GRM7: variants seen among roughly 807,000 people sequenced by gnomAD.
GRM7 encodes the protein metabotropic glutamate receptor 7.
Under a neutral mutation model 84.5 loss-of-function variants are expected in GRM7, and 35 were observed. That is an observed-to-expected ratio of 0.41 (90% CI 0.32 to 0.55). The LOEUF (loss-of-function observed/expected upper bound fraction) is 0.55. Among genes scored for constraint, GRM7 ranks in the 20% least tolerant of loss-of-function variants. The probability of loss-of-function intolerance (pLI) is 0.19; values close to 1 mark genes in which losing one functional copy is unlikely to be tolerated. For missense variants in GRM7, 1,003 were observed against 1,194.6 expected, an observed-to-expected ratio of 0.84 and a Z score of 2.36; for synonymous variants, 487 against 455.1, an observed-to-expected ratio of 1.07 and a Z score of -0.89.
intron 5 of GRM7, among the ~76,000 whole-genome samples, chr3:7,426,326 T>A (rs1696611120): frequency 6.6e-6 from 1 of 152,028 alleles, no homozygotes; most frequent in African/African-American, 2.4e-5. Flanking sequence ...TCTATGTTGG[T>A]CAGGTTTCTA....
At chr3:6,901,459 G>A (rs915740156) in intron 1 of GRM7, among the ~76,000 whole-genome samples, 7 of 151,792 alleles carry the variant, frequency 4.6e-5, no homozygotes, top group Non-Finnish European at 8.8e-5. Flanking sequence ...TTAGCTGAGC[G>A]TGGTGGTGCG....
intron 1 of GRM7, among the ~76,000 whole-genome samples, chr3:7,077,900 G>C (rs1183587710): frequency 6.6e-6 from 1 of 152,082 alleles, no homozygotes; most frequent in Non-Finnish European, 1.5e-5. Context: ...TGACAATACA[G>C]TGCTATGATT....
chr3:7,549,040 G>A (rs1249563734), intron 7 of GRM7, among the ~76,000 whole-genome samples: 1 of 152,162 alleles, frequency 6.6e-6, no homozygotes, highest in Non-Finnish European at 1.5e-5. Context: ...ATGTATCCTT[G>A]AGGAGAGATT....
chr3:7,636,400 A>G (rs1308074104), intron 8 of GRM7: 2 of 422,852 alleles, frequency 4.7e-6, no homozygotes, highest in African/African-American at 2.0e-5. Context: ...ACACACTGTC[A>G]TTGTTTGAAA....
intron 2 of GRM7, among the ~76,000 whole-genome samples, chr3:7,203,354 A>C (rs1324419738): frequency 2.0e-5 from 3 of 152,212 alleles, no homozygotes; most frequent in African/African-American, 7.2e-5. Context: ...ATAATGACCT[A>C]CAGTTTCATC....
intron 7 of GRM7, among the ~76,000 whole-genome samples, chr3:7,563,146 C>G (rs901024389): frequency 1.3e-5 from 2 of 152,072 alleles, no homozygotes; most frequent in Non-Finnish European, 2.9e-5. Context: ...GTGTGAAAAT[C>G]TAAGATGAAT....
At chr3:7,632,437 T>G (rs1697899676) in intron 8 of GRM7, among the ~76,000 whole-genome samples, 1 of 152,142 alleles carries the variant, frequency 6.6e-6, no homozygotes, top group South Asian at 2.1e-4. Context: ...CCCATCAATA[T>G]GGGGAAATTA....
At chr3:6,979,496 A>G (rs1216939246) in intron 1 of GRM7, among the ~76,000 whole-genome samples, 1 of 152,186 alleles carries the variant, frequency 6.6e-6, no homozygotes, top group African/African-American at 2.4e-5. Flanking sequence ...TAATGCACGT[A>G]GATTTATCTG....
At chr3:7,260,955 A>T (rs1270696518) in intron 2 of GRM7, among the ~76,000 whole-genome samples, 1 of 152,058 alleles carries the variant, frequency 6.6e-6, no homozygotes, top group African/African-American at 2.4e-5. Flanking sequence ...TTCTTGATTT[A>T]TGTCTTAATT....
chr3:7,257,492 A>G (rs191325875), intron 2 of GRM7, among the ~76,000 whole-genome samples: 117 of 152,266 alleles, frequency 7.7e-4, no homozygotes, highest in African/African-American at 2.7e-3. Context: ...CAGAGATGGA[A>G]GCTGTTTTTG....
intron 7 of GRM7, among the ~76,000 whole-genome samples, chr3:7,553,661 G>A (rs1693608531): frequency 6.6e-6 from 1 of 152,110 alleles, no homozygotes; most frequent in East Asian, 1.9e-4. Flanking sequence ...GCCAAGAGAA[G>A]GGGAGAAAAG....
chr3:7,377,218 T>C (rs911645127), intron 4 of GRM7, among the ~76,000 whole-genome samples: 4 of 146,734 alleles, frequency 2.7e-5, no homozygotes, highest in Non-Finnish European at 3.0e-5. Flanking sequence ...GGGTTCCTAA[T>C]ATTTTTTTTC....
intron 7 of GRM7, among the ~76,000 whole-genome samples, chr3:7,495,414 G>A (rs1401965009): frequency 1.3e-5 from 2 of 152,102 alleles, no homozygotes; most frequent in East Asian, 1.9e-4. Context: ...GGACAAAGGG[G>A]CCAGGCTTCT....
intron 1 of GRM7, among the ~76,000 whole-genome samples, chr3:7,130,498 G>T (rs964763084): frequency 2.0e-5 from 3 of 150,414 alleles, no homozygotes; most frequent in African/African-American, 4.9e-5. Context: ...AGCCGAGATC[G>T]CACCATTGCA....
intron 7 of GRM7, among the ~76,000 whole-genome samples, chr3:7,515,688 C>T (rs1700351181): frequency 6.6e-6 from 1 of 152,134 alleles, no homozygotes; most frequent in Non-Finnish European, 1.5e-5. Context: ...ACCTTGAGGA[C>T]TCACAAGTAA....
chr3:7,404,093 A>T (rs1357475863), intron 4 of GRM7, among the ~76,000 whole-genome samples: 3 of 152,164 alleles, frequency 2.0e-5, no homozygotes, highest in Non-Finnish European at 4.4e-5. Context: ...AACGTAATTT[A>T]AAAAATTCTA....
chr3:7,043,095 G>A (rs540446002), intron 1 of GRM7, among the ~76,000 whole-genome samples: 6 of 152,034 alleles, frequency 3.9e-5, no homozygotes, highest in African/African-American at 9.7e-5. Flanking sequence ...TTTCCACTTC[G>A]GCTACTGCTA....
chr3:7,233,636 A>T (rs1258628295), intron 2 of GRM7, among the ~76,000 whole-genome samples: 1 of 152,192 alleles, frequency 6.6e-6, no homozygotes, highest in Non-Finnish European at 1.5e-5. Context: ...ATAGTCATTT[A>T]TTCAATACCT....
intron 2 of GRM7, among the ~76,000 whole-genome samples, chr3:7,224,460 G>A (rs772737818): frequency 6.6e-6 from 1 of 152,220 alleles, no homozygotes; most frequent in Admixed American, 6.5e-5. Flanking sequence ...CATGAGATTT[G>A]GGTGGGGACA....
Sources: allele counts gnomAD v4.1 joint callset (sites outside exome capture counted in the v4.1 genomes callset), GRCh38; gene constraint gnomAD v4.1.1; transcripts MANE v1.5; gene names NCBI Gene and HGNC (gene_info 2026-07-23, HGNC 2026-07-21).